Variants in MECOM observed in about 807,000 individuals in gnomAD.
The protein encoded by MECOM is histone-lysine N-methyltransferase MECOM.
Under a neutral mutation model 116.3 loss-of-function variants are expected in MECOM, and 13 were observed. The ratio of observed to expected loss-of-function variants is 0.11; its 90% CI spans 0.07 to 0.18. MECOM has a LOEUF of 0.18. Ranked by LOEUF, MECOM falls within the 10% of genes least tolerant of loss-of-function variation. The pLI, the probability that MECOM is intolerant of heterozygous loss-of-function variation, is 1.00. For missense variants in MECOM, 1,299 were observed against 1,509.0 expected, an observed-to-expected ratio of 0.86 and a Z score of 2.31; for synonymous variants, 528 against 535.2, an observed-to-expected ratio of 0.99 and a Z score of 0.19.
At chr3:169,599,530 A>T (rs1042653861) in intron 1 of MECOM, among the ~76,000 whole-genome samples, 1 of 146,314 alleles carries the variant, frequency 6.8e-6, no homozygotes, top group African/African-American at 2.6e-5. Flanking sequence ...AAAAAAAAAA[A>T]GTGTAAACCT....
chr3:169,105,641 G>C (rs151003593), intron 10 of MECOM, among the ~76,000 whole-genome samples: 169 of 152,176 alleles, frequency 1.1e-3, no homozygotes, highest in African/African-American at 4.0e-3. Flanking sequence ...ATATTACCCT[G>C]TGATCCATTA....
Position 169,216,275 on chromosome 3 carries a change from C to T in MECOM, c.376-72443G>A, listed in dbSNP as rs535560417. Among the ~76,000 whole-genome samples, 9 of 152,234 alleles carry T rather than the reference C, an allele frequency of 5.9e-5. No individual in the cohort carries two copies. In the South Asian group the frequency reaches 6.2e-4, roughly 11 times the overall value. ...TTGCCATCATTTGATGTCAAAATGA[C>T]GACCATCTAAACTACTTTTTTTCTC... On this transcript the variant is annotated intron_variant, in intron 2 of 16. Transcript: ENST00000651503.
chr3:169,595,188 G>A (rs1341168733), intron 1 of MECOM, among the ~76,000 whole-genome samples: 1 of 152,030 alleles, frequency 6.6e-6, no homozygotes, highest in Non-Finnish European at 1.5e-5. Flanking sequence ...AGAAAACAAA[G>A]CTTACTTTTG....
intron 1 of MECOM, among the ~76,000 whole-genome samples, chr3:169,632,340 A>T (rs1366595359): frequency 6.6e-6 from 1 of 152,174 alleles, no homozygotes; most frequent in Non-Finnish European, 1.5e-5. Context: ...CATGCAAAAT[A>T]TTCCATTCCC....
intron 2 of MECOM, among the ~76,000 whole-genome samples, chr3:169,152,977 G>A (rs1320291000): frequency 6.6e-6 from 1 of 152,136 alleles, no homozygotes; most frequent in African/African-American, 2.4e-5. Flanking sequence ...CCGCTCTGGT[G>A]AATAAATTAT....
intron 2 of MECOM, among the ~76,000 whole-genome samples, chr3:169,227,567 C>A (rs756772131): frequency 5.3e-5 from 8 of 152,134 alleles, no homozygotes; most frequent in Non-Finnish European, 1.2e-4. Flanking sequence ...ATCTCATGAA[C>A]AGGCTTTGAC....
chr3:169,089,023 A>G lies in MECOM; in HGVS notation c.3562T>C (p.Leu1188=). The change falls in exon 16 of 17, where the codon TTA becomes CTA. Residue 1188 remains leucine (L), a synonymous_variant. Transcript: ENST00000651503. The part of the protein sequence containing the change: ...SHVPEELKQP[L]HRKSKSQAYA... ...ACCTGCGATTTGGACTTTCTGTGTA[A>G]CGGCTGCTTAAGTTCCTCTGGCACA... is the stretch of plus-strand genomic sequence containing the variant. The G allele has an allele frequency of 3.7e-6, 6 of 1,601,722 alleles. No homozygotes were observed. Among genetic ancestry groups the G allele is most frequent in the Non-Finnish European group, 5.1e-6 (6 of 1,175,324 alleles).
At chr3:169,662,223 G>A (rs1474796124) in intron 1 of MECOM, among the ~76,000 whole-genome samples, 1 of 152,114 alleles carries the variant, frequency 6.6e-6, no homozygotes, top group Non-Finnish European at 1.5e-5. Context: ...GACCAAGGCC[G>A]CTCCGCGCCG....
intron 2 of MECOM, among the ~76,000 whole-genome samples, chr3:169,301,340 A>G (rs1000537170): frequency 2.0e-5 from 3 of 152,230 alleles, no homozygotes; most frequent in African/African-American, 7.2e-5. Flanking sequence ...TATGATTCAT[A>G]TCATGTGAAG....
Position 169,115,652 on chromosome 3 carries a change from G to T in MECOM, c.2220C>A (p.Ser740=), listed in dbSNP as rs770635189. The change falls in exon 8 of 17, where the codon TCC becomes TCA. Residue 740 remains serine (S), a synonymous_variant. Coordinates refer to ENST00000651503, the MANE Select transcript of MECOM (RefSeq NM_004991.4). ...TTCGCTTAGTGGTGAGATCAAAGGG[G>T]GACTCAGAGCTGCCCTTCTGCAGTT... ...VKKLQKGSSE[S]PFDLTTKRKD... The T allele has an allele frequency of 3.1e-6, 5 of 1,614,000 alleles. No individual in the cohort carries two copies. The African/African-American group carries it at 5.3e-5, about 17-fold the overall frequency.
In MECOM at chr3:169,239,400, G is replaced by T. The variant is rs537576205; in HGVS notation, c.376-95568C>A. ...GAAAATTAAATACAGGAATTATTTT[G>T]TAGATACCACTGATATATTGGACAT... is the stretch of plus-strand genomic sequence containing the variant. On this transcript the variant is annotated intron_variant, in intron 2 of 16. Coordinates refer to ENST00000651503, the MANE Select transcript of MECOM (RefSeq NM_004991.4). Among the ~76,000 whole-genome samples, 5 of 152,006 alleles carry T rather than the reference G, an allele frequency of 3.3e-5. No homozygotes were observed. In the South Asian group the frequency reaches 1.0e-3, roughly 32 times the overall value.
At chr3:169,608,874 T>G (rs1768911474) in intron 1 of MECOM, among the ~76,000 whole-genome samples, 1 of 152,226 alleles carries the variant, frequency 6.6e-6, no homozygotes, top group South Asian at 2.1e-4. Context: ...AGTTTTATTA[T>G]GTAAATGAGT....
chr3:169,282,228 G>C (rs1267916388), intron 2 of MECOM, among the ~76,000 whole-genome samples: 1 of 152,152 alleles, frequency 6.6e-6, no homozygotes, highest in Non-Finnish European at 1.5e-5. Flanking sequence ...GAAAGGAAAT[G>C]AGATCAACCA....
At chr3:169,282,379 C>A (rs1461556758) in intron 2 of MECOM, among the ~76,000 whole-genome samples, 1 of 152,014 alleles carries the variant, frequency 6.6e-6, no homozygotes, top group Non-Finnish European at 1.5e-5. Flanking sequence ...AGAAGGTATC[C>A]CCCCAGATAT....
intron 3 of MECOM, among the ~76,000 whole-genome samples, chr3:169,141,642 G>A (rs1738140651): frequency 6.6e-6 from 1 of 151,998 alleles, no homozygotes; most frequent in African/African-American, 2.4e-5. Context: ...GCTTATAGGT[G>A]AATATGCTTA....
intron 1 of MECOM, among the ~76,000 whole-genome samples, chr3:169,565,305 G>A (rs750029387): frequency 6.6e-6 from 1 of 152,142 alleles, no homozygotes; most frequent in Non-Finnish European, 1.5e-5. Flanking sequence ...CCTGGAGAAT[G>A]GTGTCAGAAA....
chr3:169,338,902 GA>G (rs1403986762), intron 2 of MECOM, among the ~76,000 whole-genome samples: 1 of 151,800 alleles, frequency 6.6e-6, no homozygotes, highest in Non-Finnish European at 1.5e-5. Context: ...GGGGCTTGGG[GA>G]AAAAAAGCTA....
rs889636390 is a variant in MECOM at position 169,110,355 on chromosome 3, G to A, written c.2578-2403C>T. On this transcript the variant is annotated intron_variant, in intron 9 of 16. Coordinates refer to ENST00000651503, the MANE Select transcript of MECOM (RefSeq NM_004991.4). ...CTAATAAGAGCTCTTCCTCATTTAG[G>A]TCCTTCCACATGCCAAGCACAATGC... 3.3e-5 allele frequency among the ~76,000 whole-genome samples: 5 copies of A among 151,948 alleles called. No homozygotes were observed. In the East Asian group the frequency reaches 9.6e-4, roughly 29 times the overall value.
chr3:169,374,898 A>T (rs1311051285), intron 2 of MECOM, among the ~76,000 whole-genome samples: 1 of 151,842 alleles, frequency 6.6e-6, no homozygotes, highest in African/African-American at 2.4e-5. Context: ...TTAGCGAGTC[A>T]TGGTGGTACA....
Sources: gnomAD v4.1 joint callset for allele counts (sites outside exome capture counted in the v4.1 genomes callset) on GRCh38, gnomAD v4.1.1 for gene constraint, MANE v1.5 for transcripts, NCBI Gene and HGNC (gene_info 2026-07-23, HGNC 2026-07-21) for gene names.